Variants in LINGO2 observed in about 807,000 individuals in gnomAD.
LINGO2 encodes the protein leucine rich repeat and Ig domain containing 2, also known as leucine-rich repeat and immunoglobulin-like domain-containing nogo receptor-interacting protein 2.
LINGO2 carries 14 observed loss-of-function variants against 30.6 expected under a neutral mutation model. The observed-to-expected ratio is 0.46, with a 90% confidence interval of 0.30 to 0.72. The LOEUF is 0.72. Among genes scored for constraint, LINGO2 ranks in the 30% least tolerant of loss-of-function variants. LINGO2 has a pLI of 0.07. For synonymous variants in LINGO2, 317 were observed against 288.5 expected (o/e 1.10, Z -1.00); for missense variants, 729 against 751.7 (o/e 0.97, Z 0.35).
At chr9:28,807,111 G>A in the LINGO2 span, among the ~76,000 whole-genome samples, 7 of 151,864 alleles carry the variant, frequency 4.6e-5, no homozygotes, top group South Asian at 8.4e-4. Flanking sequence ...TGCAAGCTCC[G>A]CCTCCCAGAT....
chr9:28,397,011 A>G lies in LINGO2; in HGVS notation c.-278-24143T>C, dbSNP rs1489300076. Among the ~76,000 whole-genome samples, 4 of 152,148 alleles carry G rather than the reference A, an allele frequency of 2.6e-5. No homozygotes were observed. In the East Asian group the frequency reaches 7.7e-4, roughly 29 times the overall value. On this transcript the variant is annotated intron_variant, in intron 2 of 5. Transcript: ENST00000379992. The stretch of plus-strand genomic sequence containing the variant: ...TCTAGCCTACACTCCTTTACTAATC[A>G]TAATAAATTTATATGTAAAAAGATG...
At chr9:28,295,432 G>A (rs1302310576) in intron 3 of LINGO2, 66 bp from the exon 6 acceptor site, 1 of 152,514 alleles carries the variant, frequency 6.6e-6, no homozygotes, top group Non-Finnish European at 1.5e-5. Context: ...AGGTCCAGGA[G>A]GCATCACAAC....
chr9:29,105,849 G>T, the LINGO2 span, among the ~76,000 whole-genome samples: 1 of 152,144 alleles, frequency 6.6e-6, no homozygotes, highest in Non-Finnish European at 1.5e-5. Flanking sequence ...TCACCTCGGG[G>T]AGACAGCACA....
the LINGO2 span, among the ~76,000 whole-genome samples, chr9:29,200,924 A>C: frequency 6.6e-6 from 1 of 151,704 alleles, no homozygotes; most frequent in Non-Finnish European, 1.5e-5. Flanking sequence ...ATTTTTTTTC[A>C]TGATTGGACT....
At chr9:28,894,742 C>G in the LINGO2 span, among the ~76,000 whole-genome samples, 5 of 151,810 alleles carry the variant, frequency 3.3e-5, no homozygotes, top group Admixed American at 3.3e-4. Flanking sequence ...CTGACAAATA[C>G]AAATTGCATA....
At position 28,130,810 on chromosome 9, in the gene LINGO2, T is replaced by G. The variant is rs528549637; in HGVS notation, c.-86-118405A>C. ...TGGAAAAAGATTAGATTCTGAGAAG[T>G]AGTACAGTTTGGCTACAGAAGGAAG... On this transcript the variant is annotated intron_variant, in intron 4 of 5. Coordinates refer to ENST00000379992, the Ensembl canonical transcript of LINGO2. The surrounding 1 kb of genome is among the most constrained non-coding windows in gnomAD (Gnocchi z 5.2). 6.6e-6 allele frequency among the ~76,000 whole-genome samples: 1 copy of G among 152,122 alleles called. No individual in the cohort carries two copies. The highest frequency in any genetic ancestry group is 2.4e-5 in the African/African-American group (1 of 41,436).
At chr9:28,600,644 TCAAAATGAGCTA>T (rs1015084481) in intron 1 of LINGO2, among the ~76,000 whole-genome samples, 4 of 152,044 alleles carry the variant, frequency 2.6e-5, no homozygotes, top group African/African-American at 9.7e-5. Flanking sequence ...AAATCGAAGG[TCAAAATGAGCTA>T]CAAAACAAGG....
chr9:28,948,517 G>T, the LINGO2 span, among the ~76,000 whole-genome samples: 1 of 151,826 alleles, frequency 6.6e-6, no homozygotes, highest in African/African-American at 2.4e-5. Context: ...TCTGACTCTC[G>T]CTCTCACACA....
chr9:28,834,033 T>C, the LINGO2 span, among the ~76,000 whole-genome samples: 1 of 152,072 alleles, frequency 6.6e-6, no homozygotes, highest in Non-Finnish European at 1.5e-5. Context: ...TTTTTTTTTT[T>C]TCTTGTTCCT....
At position 28,019,479 on chromosome 9, in the gene LINGO2, A is replaced by G. The variant is rs546404241; in HGVS notation, c.-86-7074T>C. On this transcript the variant is annotated intron_variant, in intron 4 of 5. Transcript: ENST00000379992. ...CTCTGGGGGAATACTAAACTCACCA[A>G]TGAAACAAACTGAAGGCAGTGACAA... is the stretch of plus-strand genomic sequence containing the variant. Among the ~76,000 whole-genome samples the G allele has an allele frequency of 5.7e-4, 87 of 152,242 alleles. No homozygotes were observed. In the South Asian group the frequency reaches 0.012, roughly 21 times the overall value.
intron 4 of LINGO2, among the ~76,000 whole-genome samples, chr9:28,049,399 G>A (rs1445682859): frequency 1.3e-5 from 2 of 150,724 alleles, no homozygotes; most frequent in South Asian, 2.1e-4. Flanking sequence ...CAACATAGCA[G>A]GTAATAAAAC....
At chr9:28,993,353 C>G in the LINGO2 span, among the ~76,000 whole-genome samples, 1 of 152,162 alleles carries the variant, frequency 6.6e-6, no homozygotes, top group Non-Finnish European at 1.5e-5. Context: ...ATAACTGGCT[C>G]TGAAATTGTG....
chr9:29,120,218 T>G, the LINGO2 span, among the ~76,000 whole-genome samples: 1 of 152,182 alleles, frequency 6.6e-6, no homozygotes, highest in Admixed American at 6.5e-5. Context: ...GGCAGTAGGC[T>G]TCAACTCTCA....
chr9:28,107,023 A>G (rs965720773), intron 4 of LINGO2, among the ~76,000 whole-genome samples: 1 of 152,024 alleles, frequency 6.6e-6, no homozygotes, highest in Non-Finnish European at 1.5e-5. Flanking sequence ...CCTCTCCCCC[A>G]TTCCTTAATT....
intron 3 of LINGO2, among the ~76,000 whole-genome samples, chr9:28,358,856 T>A (rs968479660): frequency 2.0e-5 from 3 of 152,250 alleles, no homozygotes; most frequent in Middle Eastern, 3.4e-3. Flanking sequence ...AATCTTTTTA[T>A]TCATTCAAAA....
At chr9:28,007,057 T>A (rs1458683749) in intron 5 of LINGO2, among the ~76,000 whole-genome samples, 3 of 152,142 alleles carry the variant, frequency 2.0e-5, no homozygotes, top group Non-Finnish European at 4.4e-5. Context: ...ACTAGTCTGT[T>A]AGTTTGCTTT....
chr9:28,854,985 G>C, the LINGO2 span, among the ~76,000 whole-genome samples: 9 of 152,038 alleles, frequency 5.9e-5, no homozygotes, highest in South Asian at 1.9e-3. Context: ...TATATATTAA[G>C]TAATATACAT....
chr9:28,178,341 C>G (rs570670987), intron 4 of LINGO2, among the ~76,000 whole-genome samples: 1 of 152,256 alleles, frequency 6.6e-6, no homozygotes, highest in East Asian at 1.9e-4. Context: ...AGTTTACAAT[C>G]TCAGTAAACT....
intron 1 of LINGO2, among the ~76,000 whole-genome samples, chr9:28,593,969 T>C (rs1197022844): frequency 6.6e-6 from 1 of 152,042 alleles, no homozygotes; most frequent in South Asian, 2.1e-4. Flanking sequence ...GCATGGCTTC[T>C]GTTAACAATG....
Sources: allele counts gnomAD v4.1 joint callset (sites outside exome capture counted in the v4.1 genomes callset), GRCh38; gene constraint gnomAD v4.1.1; non-coding constraint Gnocchi (gnomAD v3.1); transcripts MANE v1.5; gene names NCBI Gene and HGNC (gene_info 2026-07-23, HGNC 2026-07-21).